LDB2: variants seen among roughly 807,000 people sequenced by gnomAD.
LDB2 encodes the protein LIM domain binding 2.
Under a neutral mutation model 44.3 loss-of-function variants are expected in LDB2, and 12 were observed. That is an observed-to-expected ratio of 0.27 (90% CI 0.17 to 0.44). The LOEUF (loss-of-function observed/expected upper bound fraction) is 0.44. Among genes scored for constraint, LDB2 ranks in the 20% least tolerant of loss-of-function variants. The probability of loss-of-function intolerance (pLI) is 1.00; values close to 1 mark genes in which losing one functional copy is unlikely to be tolerated. For missense variants in LDB2, 344 were observed against 473.5 expected, an observed-to-expected ratio of 0.73 and a Z score of 2.54; for synonymous variants, 164 against 174.8, an observed-to-expected ratio of 0.94 and a Z score of 0.49.
rs183430729 is a variant in LDB2, at chr4:16,704,435, G to T, written c.235+54723C>A. 2.7e-4 allele frequency among the ~76,000 whole-genome samples: 41 copies of T among 152,278 alleles called. 1 individual carries two copies. The East Asian group carries it at 3.1e-3, about 11-fold the overall frequency. ...AATTATTATTTTTTGATGGTATGGGGAGTATAAACTGCCCACAAATTTTCT... is the reference window on the plus strand; with the variant it reads ...AATTATTATTTTTTGATGGTATGGGTAGTATAAACTGCCCACAAATTTTCT... On this transcript the variant is annotated intron_variant, in intron 2 of 7. Coordinates refer to ENST00000304523, the MANE Select transcript of LDB2 (RefSeq NM_001290.5).
chr4:16,783,366 A>C (rs1191227753), intron 1 of LDB2, among the ~76,000 whole-genome samples: 1 of 152,274 alleles, frequency 6.6e-6, no homozygotes, highest in African/African-American at 2.4e-5. Flanking sequence ...ATCCTGCATA[A>C]GGAAGGATGC....
chr4:16,627,999 T>C (rs1369518229), intron 2 of LDB2, among the ~76,000 whole-genome samples: 1 of 152,158 alleles, frequency 6.6e-6, no homozygotes, highest in Non-Finnish European at 1.5e-5. Flanking sequence ...TCACCATGCC[T>C]GCACGGTTAA....
At chr4:16,640,890 T>G (rs1201936999) in intron 2 of LDB2, among the ~76,000 whole-genome samples, 1 of 152,220 alleles carries the variant, frequency 6.6e-6, no homozygotes, top group Non-Finnish European at 1.5e-5. Context: ...ATATTGTCAT[T>G]TTTAGTTCAA....
At chr4:16,755,707 G>A (rs1766495168) in intron 2 of LDB2, among the ~76,000 whole-genome samples, 1 of 152,096 alleles carries the variant, frequency 6.6e-6, no homozygotes, top group Non-Finnish European at 1.5e-5. Context: ...CCTGCTGCCA[G>A]GGAATTGTCT....
chr4:16,516,899 G>A (rs1268591072), intron 5 of LDB2, among the ~76,000 whole-genome samples: 1 of 152,194 alleles, frequency 6.6e-6, no homozygotes, highest in Non-Finnish European at 1.5e-5. Flanking sequence ...GGCTGGAGAG[G>A]CAGCCCTCCC....
rs892009663 is a variant in LDB2 at position 16,542,115 on chromosome 4, C to A, written c.616-30011G>T. 1.2e-4 allele frequency among the ~76,000 whole-genome samples: 15 copies of A among 126,338 alleles called. 1 individual carries two copies. The highest frequency in any genetic ancestry group is 2.1e-4 in the Non-Finnish European group (13 of 60,626). 82.9% of individuals were successfully genotyped at this position (126,338 alleles called of 152,430 possible). ...ACATCAGGTGGTGGGGGGGGGGGCG[C>A]GAGCAGGAGGGCATAAGAAGGTCAG... On this transcript the variant is annotated intron_variant, in intron 5 of 7. Transcript: ENST00000304523.
At chr4:16,735,168 A>T (rs1021869271) in intron 2 of LDB2, among the ~76,000 whole-genome samples, 2 of 152,168 alleles carry the variant, frequency 1.3e-5, no homozygotes, top group South Asian at 4.1e-4. Flanking sequence ...GCCTGTCCAC[A>T]TTGGGGCCTC....
At chr4:16,759,113 A>G (rs1221494679) in intron 2 of LDB2, 45 bp downstream of exon 2, 4 of 1,352,414 alleles carry the variant, frequency 3.0e-6, no homozygotes, top group Non-Finnish European at 3.2e-6. Flanking sequence ...GTTTTCTTAC[A>G]GGCACAAAAC....
chr4:16,504,688 C>A (rs1030755666), intron 7 of LDB2, among the ~76,000 whole-genome samples: 1 of 152,160 alleles, frequency 6.6e-6, no homozygotes, highest in Admixed American at 6.5e-5. Flanking sequence ...GTGGCCACCA[C>A]AGAGGCATGA....
Position 16,578,414 on chromosome 4 carries a change from A to C in LDB2, c.615+7508T>G, listed in dbSNP as rs115365566. Among the ~76,000 whole-genome samples, 1,497 of 152,326 alleles carry C rather than the reference A, an allele frequency of 9.8e-3. 21 individuals are homozygous for C. The highest frequency in any genetic ancestry group is 0.034 in the African/African-American group (1,424 of 41,564). On this transcript the variant is annotated intron_variant, in intron 5 of 7. Transcript: ENST00000304523. ...CAAAAGATCTTAATAGACATTTCAC[A>C]AAAAGAGACATACAAATGGCAAACA...
chr4:16,566,915 A>G (rs1212987872), intron 5 of LDB2, among the ~76,000 whole-genome samples: 1 of 152,220 alleles, frequency 6.6e-6, no homozygotes, highest in Non-Finnish European at 1.5e-5. Context: ...CTGTCATAAG[A>G]GACATACATA....
chr4:16,710,859 G>A (rs1412655792), intron 2 of LDB2, among the ~76,000 whole-genome samples: 1 of 152,080 alleles, frequency 6.6e-6, no homozygotes, highest in African/African-American at 2.4e-5. Flanking sequence ...GAGTCAACAG[G>A]GAAAGATGCA....
intron 2 of LDB2, among the ~76,000 whole-genome samples, chr4:16,597,871 C>T (rs1721441117): frequency 6.6e-6 from 1 of 152,074 alleles, no homozygotes; most frequent in Non-Finnish European, 1.5e-5. Context: ...TCCCCAAATC[C>T]AGAAAATGTA....
chr4:16,847,498 T>C (rs1436140517), intron 1 of LDB2, among the ~76,000 whole-genome samples: 1 of 152,226 alleles, frequency 6.6e-6, no homozygotes, highest in African/African-American at 2.4e-5. Context: ...TGGTAAAAAA[T>C]AACAATCGTT....
chr4:16,562,124 A>G (rs892125709), intron 5 of LDB2, among the ~76,000 whole-genome samples: 5 of 152,324 alleles, frequency 3.3e-5, no homozygotes, highest in African/African-American at 1.2e-4. Context: ...CCCTAGAAGA[A>G]AACCTAGGCA....
chr4:16,724,637 GATTGTA>G (rs1376533723), intron 2 of LDB2, among the ~76,000 whole-genome samples: 1 of 152,104 alleles, frequency 6.6e-6, no homozygotes, highest in African/African-American at 2.4e-5. Context: ...CATGTTCACA[GATTGTA>G]CCTTCTGAGC....
intron 1 of LDB2, among the ~76,000 whole-genome samples, chr4:16,805,036 G>A (rs1181709048): frequency 6.6e-6 from 1 of 152,054 alleles, no homozygotes; most frequent in Non-Finnish European, 1.5e-5. Context: ...GGAGGGAGGA[G>A]AGATGGAGAG....
rs1264703655 is a variant in LDB2, at chr4:16,898,563, A to T, written c.-78T>A. 1 of 1,463,586 alleles carries T rather than the reference A, an allele frequency of 6.8e-7. No homozygotes were observed. The highest frequency in any genetic ancestry group is 9.4e-7 in the Non-Finnish European group (1 of 1,062,922). The allele number at this position is 1,463,586 out of a possible 1,614,324, so 90.7% of individuals were successfully genotyped here. The stretch of plus-strand genomic sequence containing the variant: ...AGAGCACATGGGCTGTGTTCTTCCC[A>T]GTACAAAGTAGACGCACGCACACAC... On this transcript the variant is annotated 5_prime_UTR_variant, in exon 1 of 8. Transcript: ENST00000304523.
At chr4:16,851,892 T>C (rs998323234) in intron 1 of LDB2, among the ~76,000 whole-genome samples, 5 of 152,180 alleles carry the variant, frequency 3.3e-5, no homozygotes, top group Non-Finnish European at 7.4e-5. Flanking sequence ...CTGAGAAACA[T>C]GAGCCACAAG....
Sources: gnomAD v4.1 joint callset for allele counts (sites outside exome capture counted in the v4.1 genomes callset) on GRCh38, gnomAD v4.1.1 for gene constraint, MANE v1.5 for transcripts, NCBI Gene and HGNC (gene_info 2026-07-23, HGNC 2026-07-21) for gene names.